MEGF10: variants seen among roughly 807,000 people sequenced by gnomAD.
MEGF10 encodes multiple EGF like domains 10, also known as multiple epidermal growth factor-like domains protein 10.
A neutral mutation model predicts 147.5 loss-of-function variants in MEGF10; 86 were observed. The observed-to-expected ratio is 0.58, with a 90% CI of 0.49 to 0.70. The LOEUF (loss-of-function observed/expected upper bound fraction) is 0.70. MEGF10 is among the 30% of genes least tolerant of loss of function. MEGF10 has a pLI of 0.00. For synonymous variants in MEGF10, 478 were observed against 525.5 expected (o/e 0.91, Z 1.24); for missense variants, 1,329 against 1,487.3 (o/e 0.89, Z 1.75).
intron 1 of MEGF10, among the ~76,000 whole-genome samples, chr5:127,317,064 G>T (rs114085353): frequency 0.048 from 7,262 of 152,260 alleles, 248 homozygotes; most frequent in African/African-American, 0.081. Context: ...ATATACATGA[G>T]TTTGTTGAGT....
At chr5:127,270,333 G>A in the MEGF10 span, among the ~76,000 whole-genome samples, 1 of 152,138 alleles carries the variant, frequency 6.6e-6, no homozygotes, top group Non-Finnish European at 1.5e-5. Context: ...GTATTCAGGA[G>A]ACCCATCTCA....
At chr5:127,428,798 G>A (rs1421664126) in intron 13 of MEGF10, among the ~76,000 whole-genome samples, 8 of 152,174 alleles carry the variant, frequency 5.3e-5, no homozygotes, top group East Asian at 1.9e-4. Flanking sequence ...ATCTATGAGA[G>A]GGGAAAGAAT....
intron 4 of MEGF10, among the ~76,000 whole-genome samples, chr5:127,348,859 T>G (rs905702246): frequency 6.6e-6 from 1 of 152,142 alleles, no homozygotes; most frequent in African/African-American, 2.4e-5. Context: ...CTGACAAACC[T>G]TCCCATATAC....
the MEGF10 span, among the ~76,000 whole-genome samples, chr5:127,249,762 A>G: frequency 6.6e-6 from 1 of 152,094 alleles, no homozygotes; most frequent in Non-Finnish European, 1.5e-5. Context: ...TTTATAAAGA[A>G]TAAAAATTTA....
At chr5:127,378,203 T>C (rs1580785834) in intron 5 of MEGF10, among the ~76,000 whole-genome samples, 1 of 152,184 alleles carries the variant, frequency 6.6e-6, no homozygotes, top group East Asian at 1.9e-4. Flanking sequence ...CCTTTCCTCA[T>C]GCTTTGAACA....
intron 5 of MEGF10, among the ~76,000 whole-genome samples, chr5:127,379,064 C>CTTTTTTTTT (rs35798578): frequency 5.8e-5 from 7 of 121,468 alleles, no homozygotes; most frequent in African/African-American, 1.2e-4. Context: ...ATTGATTTTT[C>CTTTTTTTTT]TTTTTTTTTT....
intron 7 of MEGF10, among the ~76,000 whole-genome samples, chr5:127,401,982 T>C (rs1764151397): frequency 6.6e-6 from 1 of 152,244 alleles, no homozygotes; most frequent in Non-Finnish European, 1.5e-5. Context: ...GGTTCGTTCC[T>C]GTAGAAGTCT....
intron 8 of MEGF10, among the ~76,000 whole-genome samples, chr5:127,404,230 C>T (rs1043345706): frequency 2.6e-5 from 4 of 151,812 alleles, no homozygotes; most frequent in African/African-American, 9.7e-5. Context: ...TGTTGAGCAC[C>T]TTTTCATATG....
chr5:127,325,907 A>AT (rs1384870657), intron 1 of MEGF10, among the ~76,000 whole-genome samples: 15 of 14,158 alleles, frequency 1.1e-3, no homozygotes, highest in East Asian at 3.7e-3. Context: ...ATATATATAT[A>AT]TATTTTTTTT....
chr5:127,440,431 ATTC>A (rs1765713699), intron 17 of MEGF10, among the ~76,000 whole-genome samples: 1 of 152,198 alleles, frequency 6.6e-6, no homozygotes, highest in Non-Finnish European at 1.5e-5. Context: ...GAAATGTCCT[ATTC>A]TTCCAGGATT....
chr5:127,377,623 A>G (rs904545384), intron 5 of MEGF10, among the ~76,000 whole-genome samples: 2 of 152,226 alleles, frequency 1.3e-5, no homozygotes, highest in Non-Finnish European at 2.9e-5. Context: ...GCATGGAGAA[A>G]GTAATAAGAT....
intron 1 of MEGF10, among the ~76,000 whole-genome samples, chr5:127,297,461 G>A (rs547292290): frequency 2.6e-5 from 4 of 152,016 alleles, no homozygotes; most frequent in Non-Finnish European, 5.9e-5. Flanking sequence ...CAACAACTGA[G>A]CAGGTAAGCC....
At chr5:127,336,892 T>C (rs894775722) in intron 2 of MEGF10, among the ~76,000 whole-genome samples, 1 of 152,214 alleles carries the variant, frequency 6.6e-6, no homozygotes, top group Admixed American at 6.6e-5. Flanking sequence ...TGTACACCAG[T>C]TGTATACACA....
At chr5:127,320,419 AC>A (rs1186817879) in intron 1 of MEGF10, among the ~76,000 whole-genome samples, 2 of 152,232 alleles carry the variant, frequency 1.3e-5, no homozygotes, top group African/African-American at 4.8e-5. Context: ...TTGTTCTCCA[AC>A]CATTAGGGTC....
chr5:127,449,775 C>T lies in MEGF10; in HGVS notation c.2980+553C>T, dbSNP rs544093358. ...ACAGGAATACAGTGGATCAGTGGTT[C>T]GGGCAACTTTTTGAAATTAGGACTC... On this transcript the variant is annotated intron_variant, in intron 22 of 24. Transcript: ENST00000503335. Among the ~76,000 whole-genome samples, 5 of 152,116 alleles carry T rather than the reference C, an allele frequency of 3.3e-5. No homozygotes were observed. The East Asian group carries it at 5.8e-4, about 18-fold the overall frequency.
chr5:127,422,085 G>T (rs1353613047), intron 12 of MEGF10, among the ~76,000 whole-genome samples: 1 of 151,144 alleles, frequency 6.6e-6, no homozygotes, highest in Non-Finnish European at 1.5e-5. Flanking sequence ...AATTTTTAAA[G>T]TGTGTTGGCA....
chr5:127,391,982 C>T (rs776493602), intron 5 of MEGF10, among the ~76,000 whole-genome samples: 4 of 152,022 alleles, frequency 2.6e-5, no homozygotes, highest in Non-Finnish European at 4.4e-5. Context: ...TGGGCAACAT[C>T]GTGAGACCCC....
At chr5:127,450,105 G>T (rs929824805) in intron 22 of MEGF10, among the ~76,000 whole-genome samples, 2 of 152,220 alleles carry the variant, frequency 1.3e-5, no homozygotes, top group African/African-American at 4.8e-5. Flanking sequence ...TATCATGTCT[G>T]CTTTTACGTT....
chr5:127,392,008 A>G (rs1374604908), intron 5 of MEGF10, among the ~76,000 whole-genome samples: 2 of 152,204 alleles, frequency 1.3e-5, no homozygotes. Flanking sequence ...TACAAAAAGT[A>G]AAATAAAGAA....
Sources: gnomAD v4.1 joint callset for allele counts (sites outside exome capture counted in the v4.1 genomes callset) on GRCh38, gnomAD v4.1.1 for gene constraint, MANE v1.5 for transcripts, NCBI Gene and HGNC (gene_info 2026-07-23, HGNC 2026-07-21) for gene names.